The following DNAH11 variants were observed in gnomAD, a reference collection of about 807,000 sequenced individuals.
The protein encoded by DNAH11 is dynein axonemal heavy chain 11.
Under a neutral mutation model 526.0 loss-of-function variants are expected in DNAH11, and 442 were observed. The observed-to-expected ratio is 0.84, with a 90% CI of 0.78 to 0.91. The LOEUF is 0.91. DNAH11 is among the 40% of genes least tolerant of loss of function. The pLI, the probability that DNAH11 is intolerant of heterozygous loss-of-function variation, is 0.00. For missense variants in DNAH11, 6,989 were observed against 5,448.7 expected (o/e 1.28, Z -8.90); for synonymous variants, 2,461 against 1,935.9 (o/e 1.27, Z -7.12).
intron 45 of DNAH11, among the ~76,000 whole-genome samples, chr7:21,727,379 T>C (rs1266177036): frequency 6.6e-6 from 1 of 152,250 alleles, no homozygotes; most frequent in Non-Finnish European, 1.5e-5. Context: ...CTGAACTTAC[T>C]GTAAACTTCT....
intron 54 of DNAH11, among the ~76,000 whole-genome samples, chr7:21,752,485 C>T (rs1786455661): frequency 6.6e-6 from 1 of 152,174 alleles, no homozygotes; most frequent in South Asian, 2.1e-4. Context: ...TGTATTTAGG[C>T]AATTATTCTT....
chr7:21,645,659 G>A (rs541219400), intron 28 of DNAH11, among the ~76,000 whole-genome samples: 3 of 143,730 alleles, frequency 2.1e-5, no homozygotes, highest in South Asian at 4.3e-4. Flanking sequence ...GCCAGGGTAG[G>A]GGGAGGAGGA....
chr7:21,673,042 T>TC (rs1213877064), intron 30 of DNAH11, among the ~76,000 whole-genome samples: 1 of 152,240 alleles, frequency 6.6e-6, no homozygotes, highest in Non-Finnish European at 1.5e-5. Flanking sequence ...TTTCTTTTTT[T>TC]CACGGTGTGT....
intron 2 of DNAH11, among the ~76,000 whole-genome samples, chr7:21,550,047 A>C (rs1448912543): frequency 2.0e-5 from 3 of 152,130 alleles, no homozygotes; most frequent in African/African-American, 7.2e-5. Flanking sequence ...TCCAAAATGG[A>C]GCCAGCCCAT....
intron 61 of DNAH11, among the ~76,000 whole-genome samples, chr7:21,793,093 A>C (rs1341785324): frequency 1.3e-5 from 2 of 152,146 alleles, no homozygotes; most frequent in Non-Finnish European, 2.9e-5. Flanking sequence ...AATTTGTTTC[A>C]AAATATTTTT....
At chr7:21,755,241 C>A (rs1394076853) in intron 54 of DNAH11, among the ~76,000 whole-genome samples, 3 of 152,192 alleles carry the variant, frequency 2.0e-5, no homozygotes, top group African/African-American at 7.2e-5. Flanking sequence ...CTTGGATTGC[C>A]TCAAATAAGG....
rs114090723 is a variant in DNAH11 at position 21,878,659 on chromosome 7, G to A, written c.12196-2043G>A. Among the ~76,000 whole-genome samples, 794 of 152,218 alleles carry A rather than the reference G, an allele frequency of 5.2e-3. 4 individuals are homozygous for A. The highest frequency in any genetic ancestry group is 0.018 in the African/African-American group (734 of 41,508). On this transcript the variant is annotated intron_variant, in intron 74 of 81. Transcript: ENST00000409508. Reference sequence around the variant, plus strand: ...GACCTAGTGATTTAATTGGATCTGCGCTACATGCTTCCTGGCCAATTCTAG... The same window carrying A: ...GACCTAGTGATTTAATTGGATCTGCACTACATGCTTCCTGGCCAATTCTAG...
At chr7:21,618,185 C>G (rs1785872245) in intron 23 of DNAH11, 1 of 155,316 alleles carries the variant, frequency 6.4e-6, no homozygotes, top group Admixed American at 6.5e-5. Flanking sequence ...GTCTGGCAAA[C>G]TCATCTAGCT....
At chr7:21,821,335 C>T (rs1790040163) in intron 65 of DNAH11, among the ~76,000 whole-genome samples, 1 of 151,994 alleles carries the variant, frequency 6.6e-6, no homozygotes, top group African/African-American at 2.4e-5. Flanking sequence ...GTTGGTTGAC[C>T]ACGTAGATTG....
chr7:21,649,273 G>A (rs1787514895), intron 28 of DNAH11, among the ~76,000 whole-genome samples: 1 of 152,118 alleles, frequency 6.6e-6, no homozygotes, highest in South Asian at 2.1e-4. Flanking sequence ...TTTTTATCTA[G>A]CAGTTCACCT....
At chr7:21,656,328 C>T (rs563411439) in intron 29 of DNAH11, among the ~76,000 whole-genome samples, 5 of 152,168 alleles carry the variant, frequency 3.3e-5, no homozygotes, top group East Asian at 3.9e-4. Context: ...CACCACTGCT[C>T]GGAGAACAGA....
chr7:21,735,313 A>G (rs77612089), intron 45 of DNAH11, among the ~76,000 whole-genome samples: 4,805 of 152,254 alleles, frequency 0.032, 98 homozygotes, highest in East Asian at 0.091. Flanking sequence ...GCTTACCCCA[A>G]TGTTGGGCAG....
chr7:21,778,149 G>A lies in DNAH11; in HGVS notation c.9337-809G>A, dbSNP rs926301377. ...CATGACCCTCAAACTGAGGAACCTAGTAATGCTTTCTGAACCTGATGAAAT... is the reference window on the plus strand; with the variant it reads ...CATGACCCTCAAACTGAGGAACCTAATAATGCTTTCTGAACCTGATGAAAT... On this transcript the variant is annotated intron_variant, in intron 56 of 81. Transcript: ENST00000409508. Among the ~76,000 whole-genome samples, 5 of 152,078 alleles carry A rather than the reference G, an allele frequency of 3.3e-5. No homozygotes were observed. The South Asian group carries it at 1.0e-3, about 32-fold the overall frequency.
At chr7:21,741,054 GT>G (rs1300152389) in intron 48 of DNAH11, among the ~76,000 whole-genome samples, 15 of 152,140 alleles carry the variant, frequency 9.9e-5, no homozygotes. Flanking sequence ...TTGTGCTTAT[GT>G]TTAAATTGGG....
intron 35 of DNAH11, among the ~76,000 whole-genome samples, chr7:21,696,917 TATAAA>T (rs1783876735): frequency 6.6e-6 from 1 of 152,178 alleles, no homozygotes; most frequent in South Asian, 2.1e-4. Context: ...TTAATGTAGA[TATAAA>T]ATACATAGAT....
chr7:21,546,609 G>A (rs1191647427), intron 2 of DNAH11, among the ~76,000 whole-genome samples: 1 of 152,122 alleles, frequency 6.6e-6, no homozygotes, highest in South Asian at 2.1e-4. Flanking sequence ...AGGTATGCCT[G>A]CTCCTCAACA....
At chr7:21,583,698 A>G (rs1018263873) in intron 9 of DNAH11, among the ~76,000 whole-genome samples, 2 of 152,246 alleles carry the variant, frequency 1.3e-5, no homozygotes, top group Non-Finnish European at 2.9e-5. Context: ...ACAAAGGTCT[A>G]ATATCCAGAA....
chr7:21,893,706 C>T (rs1213879761), intron 77 of DNAH11, among the ~76,000 whole-genome samples: 1 of 152,108 alleles, frequency 6.6e-6, no homozygotes, highest in Non-Finnish European at 1.5e-5. Flanking sequence ...ATACTCATAC[C>T]TGTAATATAT....
intron 63 of DNAH11, among the ~76,000 whole-genome samples, chr7:21,813,984 A>G (rs1363469451): frequency 1.3e-5 from 2 of 152,224 alleles, no homozygotes; most frequent in Non-Finnish European, 2.9e-5. Flanking sequence ...GTGTACTTGC[A>G]TAGACCTAGA....
Sources: gnomAD v4.1 joint callset for allele counts (sites outside exome capture counted in the v4.1 genomes callset) on GRCh38, gnomAD v4.1.1 for gene constraint, MANE v1.5 for transcripts, NCBI Gene and HGNC (gene_info 2026-07-23, HGNC 2026-07-21) for gene names.